Variants in FBXL17 observed in about 807,000 individuals in gnomAD.
FBXL17 encodes F-box and leucine rich repeat protein 17.
A neutral mutation model predicts 66.2 loss-of-function variants in FBXL17; 22 were observed. The ratio of observed to expected loss-of-function variants is 0.33; its 90% CI spans 0.24 to 0.47. The LOEUF (loss-of-function observed/expected upper bound fraction) is 0.47, where lower values mean the gene tolerates loss of function less well. FBXL17 is among the 20% of genes least tolerant of loss of function. The pLI is 1.00. For missense variants in FBXL17, 878 were observed against 948.2 expected, an observed-to-expected ratio of 0.93 and a Z score of 0.97; for synonymous variants, 474 against 400.5, an observed-to-expected ratio of 1.18 and a Z score of -2.19.
chr5:107,938,929 T>A (rs1751000276), intron 7 of FBXL17, among the ~76,000 whole-genome samples: 1 of 152,144 alleles, frequency 6.6e-6, no homozygotes. Context: ...AATATTGTAT[T>A]TCTAGGACCT....
At chr5:108,261,482 G>T (rs1285149973) in intron 4 of FBXL17, among the ~76,000 whole-genome samples, 2 of 151,960 alleles carry the variant, frequency 1.3e-5, no homozygotes, top group African/African-American at 2.4e-5. Context: ...ATGAGTAAAA[G>T]AATATAATAT....
In FBXL17 at chr5:108,041,912, G is replaced by T. The variant is rs150462970; in HGVS notation, c.1746-20911C>A. 3.3e-3 allele frequency among the ~76,000 whole-genome samples: 498 copies of T among 151,944 alleles called. 2 individuals carry two copies. The highest frequency in any genetic ancestry group is 0.011 in the African/African-American group (463 of 41,444). ...CATCTATCCATTCTATAATTCAGGGGTTTTTCTGAGATGGAGTTTCGCTCG... is the reference window on the plus strand; with the variant it reads ...CATCTATCCATTCTATAATTCAGGGTTTTTTCTGAGATGGAGTTTCGCTCG... On this transcript the variant is annotated intron_variant, in intron 6 of 8. Transcript: ENST00000542267.
At chr5:108,177,724 T>C in intron 6 of FBXL17, among the ~76,000 whole-genome samples, 1 of 151,970 alleles carries the variant, frequency 6.6e-6, no homozygotes, top group Non-Finnish European at 1.5e-5. Flanking sequence ...GTTCCTCTAG[T>C]TGTGAACTAT....
chr5:108,229,943 A>T (rs1755254326), intron 4 of FBXL17, among the ~76,000 whole-genome samples: 1 of 152,190 alleles, frequency 6.6e-6, no homozygotes, highest in Admixed American at 6.5e-5. Context: ...AAGATATTCA[A>T]ATGGCCAACG....
chr5:108,317,722 T>C (rs556059235), intron 4 of FBXL17, among the ~76,000 whole-genome samples: 2 of 151,508 alleles, frequency 1.3e-5, no homozygotes, highest in South Asian at 2.1e-4. Context: ...TATAGCCATA[T>C]TACAAATATT....
At chr5:107,980,588 G>A (rs1297466462) in intron 7 of FBXL17, among the ~76,000 whole-genome samples, 7 of 143,008 alleles carry the variant, frequency 4.9e-5, no homozygotes, top group African/African-American at 1.9e-4. Flanking sequence ...CACCGACCTC[G>A]GCTTCCCAAA....
At chr5:107,896,611 A>G (rs899124956) in intron 7 of FBXL17, among the ~76,000 whole-genome samples, 1 of 152,206 alleles carries the variant, frequency 6.6e-6, no homozygotes, top group African/African-American at 2.4e-5. Context: ...TAAACCAGGA[A>G]TAACATCATG....
chr5:107,939,042 C>G (rs1751005173), intron 7 of FBXL17, among the ~76,000 whole-genome samples: 1 of 151,990 alleles, frequency 6.6e-6, no homozygotes, highest in African/African-American at 2.4e-5. Context: ...AATTTTAGCG[C>G]ATCGTCCAAA....
intron 6 of FBXL17, among the ~76,000 whole-genome samples, chr5:108,080,714 G>A (rs1170170781): frequency 6.6e-6 from 1 of 152,116 alleles, no homozygotes; most frequent in South Asian, 2.1e-4. Context: ...TCCAGGTCTT[G>A]GTGGATTCAA....
intron 4 of FBXL17, among the ~76,000 whole-genome samples, chr5:108,306,729 T>C (rs772865859): frequency 5.3e-5 from 8 of 152,074 alleles, no homozygotes; most frequent in Non-Finnish European, 8.8e-5. Context: ...TTTTCCATCA[T>C]TGTGTCCACA....
At chr5:108,154,698 T>G in intron 6 of FBXL17, among the ~76,000 whole-genome samples, 1 of 143,708 alleles carries the variant, frequency 7.0e-6, no homozygotes, top group African/African-American at 2.6e-5. Context: ...TATATATGTA[T>G]ATACATATAT....
chr5:108,283,556 T>G (rs909586492), intron 4 of FBXL17, among the ~76,000 whole-genome samples: 3 of 151,850 alleles, frequency 2.0e-5, no homozygotes, highest in African/African-American at 4.8e-5. Context: ...GACTTAAATA[T>G]AGGAACCAAA....
chr5:108,085,610 T>G (rs944902844), intron 6 of FBXL17, among the ~76,000 whole-genome samples: 1 of 152,086 alleles, frequency 6.6e-6, no homozygotes, highest in African/African-American at 2.4e-5. Context: ...CCTCAGTGTA[T>G]GGTACCTTGG....
At chr5:108,058,383 A>G (rs966906809) in intron 6 of FBXL17, among the ~76,000 whole-genome samples, 6 of 151,994 alleles carry the variant, frequency 3.9e-5, no homozygotes, top group African/African-American at 1.4e-4. Context: ...TCTACAGTCT[A>G]CATGGATTCT....
intron 6 of FBXL17, among the ~76,000 whole-genome samples, chr5:108,120,714 T>C (rs1250181616): frequency 6.6e-6 from 1 of 152,190 alleles, no homozygotes; most frequent in East Asian, 1.9e-4. Context: ...GTGCCTGTAG[T>C]CGTAGCTACT....
At chr5:107,901,590 T>A (rs1391186397) in intron 7 of FBXL17, among the ~76,000 whole-genome samples, 1 of 152,142 alleles carries the variant, frequency 6.6e-6, no homozygotes, top group Non-Finnish European at 1.5e-5. Flanking sequence ...AGGGACACAC[T>A]TTGTTTGCAC....
At chr5:108,336,133 A>T (rs1398828826) in intron 4 of FBXL17, among the ~76,000 whole-genome samples, 6 of 152,166 alleles carry the variant, frequency 3.9e-5, no homozygotes, top group Non-Finnish European at 7.4e-5. Flanking sequence ...TAAAGAAAAA[A>T]ATATACGGGA....
chr5:108,056,606 T>C (rs754683366), intron 6 of FBXL17, among the ~76,000 whole-genome samples: 1 of 152,218 alleles, frequency 6.6e-6, no homozygotes, highest in Non-Finnish European at 1.5e-5. Flanking sequence ...CTCAGTGAGA[T>C]GTAGGCAGCC....
chr5:108,288,223 T>C (rs1363985280), intron 4 of FBXL17, among the ~76,000 whole-genome samples: 1 of 151,424 alleles, frequency 6.6e-6, no homozygotes, highest in Non-Finnish European at 1.5e-5. Context: ...AACATGCAAT[T>C]TACCTATATA....
Sources: allele counts gnomAD v4.1 joint callset (sites outside exome capture counted in the v4.1 genomes callset), GRCh38; gene constraint gnomAD v4.1.1; transcripts MANE v1.5; gene names NCBI Gene and HGNC (gene_info 2026-07-23, HGNC 2026-07-21).